The following ZEB1 variants were observed in gnomAD, a reference collection of about 807,000 sequenced individuals.
The protein encoded by ZEB1 is zinc finger E-box-binding homeobox 1.
Under a neutral mutation model 84.9 loss-of-function variants are expected in ZEB1, and 21 were observed. That is an observed-to-expected ratio of 0.25 (90% CI 0.18 to 0.36). The LOEUF is 0.36. Ranked by LOEUF, ZEB1 falls within the 10% of genes least tolerant of loss-of-function variation. ZEB1 has a pLI of 1.00. For synonymous variants in ZEB1, 420 were observed against 471.1 expected, an observed-to-expected ratio of 0.89 and a Z score of 1.41; for missense variants, 1,104 against 1,330.2, an observed-to-expected ratio of 0.83 and a Z score of 2.65.
chr10:31,363,043 G>A (rs1321189068), intron 1 of ZEB1: 20 of 1,533,598 alleles, frequency 1.3e-5, no homozygotes, highest in South Asian at 3.6e-5. Context: ...GGGAGGGGTC[G>A]GTTGCAGCTG....
At chr10:31,325,472 C>G (rs562610521) in intron 1 of ZEB1, among the ~76,000 whole-genome samples, 1 of 152,128 alleles carries the variant, frequency 6.6e-6, no homozygotes, top group African/African-American at 2.4e-5. Context: ...CATTTCTCCT[C>G]CTAATCAACA....
At chr10:31,343,638 A>G (rs2039783361) in intron 1 of ZEB1, among the ~76,000 whole-genome samples, 2 of 152,116 alleles carry the variant, frequency 1.3e-5, no homozygotes, top group African/African-American at 2.4e-5. Context: ...GAGTTAATCA[A>G]ATATGTTATA....
Position 31,502,305 on chromosome 10 carries a change from TTAG to T in ZEB1, c.323-41_323-39del, listed in dbSNP as rs758059847. ...TTATTTAGAAAACCTTTGTAATAACTTAGTGGTGAGATTGCTGTCTTAAAAGTA... is the reference window on the plus strand; with the variant it reads ...TTATTTAGAAAACCTTTGTAATAACTTGGTGAGATTGCTGTCTTAAAAGTA... On this transcript the variant is annotated intron_variant, in intron 3 of 8. Transcript: ENST00000424869. 8.8e-6 allele frequency: 14 copies of T among 1,599,052 alleles called. No homozygotes were observed. The Admixed American group carries it at 1.0e-4, about 12-fold the overall frequency.
At chr10:31,366,628 G>A (rs962867949) in intron 1 of ZEB1, among the ~76,000 whole-genome samples, 1 of 152,154 alleles carries the variant, frequency 6.6e-6, no homozygotes, top group Non-Finnish European at 1.5e-5. Context: ...AATATTCAAC[G>A]TACTGTCCTG....
chr10:31,411,944 C>T (rs1025608819), intron 1 of ZEB1, among the ~76,000 whole-genome samples: 3 of 152,042 alleles, frequency 2.0e-5, no homozygotes, highest in Non-Finnish European at 2.9e-5. Flanking sequence ...TGTGTCGATA[C>T]AAGATTTTTT....
chr10:31,430,690 A>G (rs1457546055), intron 1 of ZEB1, among the ~76,000 whole-genome samples: 1 of 152,202 alleles, frequency 6.6e-6, no homozygotes, highest in African/African-American at 2.4e-5. Flanking sequence ...TTGGAAATAA[A>G]TTGCTACACA....
At chr10:31,525,130 C>T (rs776622828) in intron 8 of ZEB1, among the ~76,000 whole-genome samples, 10 of 152,086 alleles carry the variant, frequency 6.6e-5, no homozygotes, top group African/African-American at 2.2e-4. Context: ...TATCAGCATC[C>T]GTAAATAAAA....
chr10:31,400,547 A>C (rs2051774257), intron 1 of ZEB1, among the ~76,000 whole-genome samples: 2 of 152,152 alleles, frequency 1.3e-5, no homozygotes, highest in Non-Finnish European at 2.9e-5. Context: ...AAATATGATT[A>C]CTATTTGAGT....
At chr10:31,332,208 TA>T (rs1394303233) in intron 1 of ZEB1, among the ~76,000 whole-genome samples, 2 of 152,172 alleles carry the variant, frequency 1.3e-5, no homozygotes, top group East Asian at 3.8e-4. Flanking sequence ...GTAGAAGACT[TA>T]CGCTACTAGA....
chr10:31,478,294 C>A (rs991521057), intron 2 of ZEB1, among the ~76,000 whole-genome samples: 8 of 151,794 alleles, frequency 5.3e-5, no homozygotes, highest in Non-Finnish European at 1.2e-4. Context: ...AAATTGAAGC[C>A]ACAATGAGAT....
intron 4 of ZEB1, among the ~76,000 whole-genome samples, chr10:31,507,364 G>A (rs180805885): frequency 1.3e-5 from 2 of 152,148 alleles, no homozygotes; most frequent in African/African-American, 4.8e-5. Context: ...TCTGTATCTG[G>A]ATGTCTAAAT....
chr10:31,355,293 C>G (rs937165750), intron 1 of ZEB1: 2 of 152,082 alleles, frequency 1.3e-5, no homozygotes, highest in South Asian at 2.1e-4. Context: ...GTGCTGTATA[C>G]TATGCTGCAT....
In ZEB1 at chr10:31,367,425, G is replaced by A. The variant is rs115456144; in HGVS notation, c.58+48133G>A. On this transcript the variant is annotated intron_variant, in intron 1 of 8. Coordinates refer to ENST00000424869, the MANE Select transcript of ZEB1 (RefSeq NM_001174096.2). ...TGGTGGTAGTAGTGATAATGGTAGT[G>A]ATGATGATGATGATTGTATTAGCTC... is the stretch of plus-strand genomic sequence containing the variant. Among the ~76,000 whole-genome samples the A allele has an allele frequency of 5.5e-3, 843 of 152,216 alleles. 13 individuals are homozygous for A. The highest frequency in any genetic ancestry group is 0.019 in the African/African-American group (808 of 41,536).
chr10:31,434,742 A>G (rs1051308638), intron 1 of ZEB1, among the ~76,000 whole-genome samples: 2 of 152,204 alleles, frequency 1.3e-5, no homozygotes, highest in Admixed American at 6.5e-5. Context: ...TATAGTCACT[A>G]TTGTAGCGGA....
chr10:31,491,721 C>G (rs1455142615), intron 2 of ZEB1, among the ~76,000 whole-genome samples: 1 of 151,852 alleles, frequency 6.6e-6, no homozygotes, highest in Non-Finnish European at 1.5e-5. Context: ...GATTCAGTAG[C>G]AGACATAAAC....
intron 4 of ZEB1, among the ~76,000 whole-genome samples, chr10:31,504,076 A>G (rs2068546945): frequency 7.0e-6 from 1 of 141,892 alleles, no homozygotes. Context: ...GTTTTCTTCT[A>G]GTTTTATGGT....
chr10:31,524,313 G>T (rs2072988207), intron 8 of ZEB1, among the ~76,000 whole-genome samples, 200 bp downstream of exon 8: 1 of 151,768 alleles, frequency 6.6e-6, no homozygotes, highest in African/African-American at 2.4e-5. Context: ...CCGCCTCCCG[G>T]GCTCAAGCCA....
chr10:31,409,561 GCTT>G (rs1477305883), intron 1 of ZEB1, among the ~76,000 whole-genome samples: 2 of 152,132 alleles, frequency 1.3e-5, no homozygotes, highest in East Asian at 3.9e-4. Context: ...GTCAATGGTA[GCTT>G]GATGGGGATA....
intron 1 of ZEB1, among the ~76,000 whole-genome samples, chr10:31,439,258 T>C (rs1298009460): frequency 6.6e-6 from 1 of 152,164 alleles, no homozygotes; most frequent in Admixed American, 6.5e-5. Context: ...TAGATGACTA[T>C]TAAGGTTTTT....
Sources: allele counts gnomAD v4.1 joint callset (sites outside exome capture counted in the v4.1 genomes callset), GRCh38; gene constraint gnomAD v4.1.1; transcripts MANE v1.5; gene names NCBI Gene and HGNC (gene_info 2026-07-23, HGNC 2026-07-21).